The following NHLRC2 variants were observed in gnomAD, a reference collection of about 807,000 sequenced individuals.
NHLRC2 encodes NHL repeat containing 2.
Under a neutral mutation model 68.1 loss-of-function variants are expected in NHLRC2, and 33 were observed. That is an observed-to-expected ratio of 0.48 (90% CI 0.37 to 0.65). The LOEUF (loss-of-function observed/expected upper bound fraction) is 0.65. Among genes scored for constraint, NHLRC2 ranks in the 30% least tolerant of loss-of-function variants. The probability of loss-of-function intolerance (pLI) is 0.00; values close to 1 mark genes in which losing one functional copy is unlikely to be tolerated. For synonymous variants in NHLRC2, 311 were observed against 309.6 expected (o/e 1.00, Z -0.05); for missense variants, 761 against 853.8 (o/e 0.89, Z 1.35).
intron 2 of NHLRC2, among the ~76,000 whole-genome samples, chr10:113,868,213 C>T (rs1431116871): frequency 1.3e-5 from 2 of 152,110 alleles, no homozygotes; most frequent in African/African-American, 2.4e-5. Context: ...AAGGAAGTTA[C>T]AATTTTTGAT....
At chr10:113,867,529 T>C (rs996102539) in intron 2 of NHLRC2, among the ~76,000 whole-genome samples, 1 of 152,220 alleles carries the variant, frequency 6.6e-6, no homozygotes, top group African/African-American at 2.4e-5. Context: ...ACGAAAATTT[T>C]CCCTCTCCAG....
chr10:113,901,800 G>A lies in NHLRC2; in HGVS notation c.1274G>A (p.Cys425Tyr). Residue 425 changes from cysteine (C) to tyrosine (Y), a missense_variant, in exon 7 of 11, where the codon TGC (cysteine) becomes TAC (tyrosine). Transcript: ENST00000369301. Reference protein sequence around the residue: ...LSLASEDPWSCLFVADSESST... With the variant: ...LSLASEDPWSYLFVADSESST... ...TTGGCCTCTGAAGATCCCTGGAGCT[G>A]CTTGTTTGTAGCAGATAGTGAGAGC... 6.2e-7 allele frequency: 1 copy of A among 1,614,162 alleles called. No homozygotes were observed.
In NHLRC2 at chr10:113,900,805, A is replaced by G. The variant is rs953569745; in HGVS notation, c.1140-861A>G. Among the ~76,000 whole-genome samples, 5 of 152,250 alleles carry G rather than the reference A, an allele frequency of 3.3e-5. No homozygotes were observed. The East Asian group carries it at 7.7e-4, about 23-fold the overall frequency. On this transcript the variant is annotated intron_variant, in intron 6 of 10. Transcript: ENST00000369301. ...TGCTCCCTACCTAACTTATTATGGG[A>G]ACATATTAGCCAGTAAGTGATGGTG...
At position 113,875,905 on chromosome 10, in the gene NHLRC2, CCAAA is replaced by C. The variant is rs1265167579; in HGVS notation, c.332-613_332-610del. Among the ~76,000 whole-genome samples, 14 of 149,264 alleles carry C rather than the reference CCAAA, an allele frequency of 9.4e-5. No individual in the cohort carries two copies. In the South Asian group the frequency reaches 1.9e-3, roughly 20 times the overall value. On this transcript the variant is annotated intron_variant, in intron 2 of 10. Coordinates refer to ENST00000369301, the MANE Select transcript of NHLRC2 (RefSeq NM_198514.4). ...TATTGAATTTTTTCACTGAATCCAG[CCAAA>C]CACTTTTTTTTTTTTTTTGGTACTA...
Position 113,876,957 on chromosome 10 carries a change from A to G in NHLRC2, c.768A>G (p.Gln256=). 6.3e-7 allele frequency: 1 copy of G among 1,594,280 alleles called. No individual in the cohort carries two copies. The highest frequency in any genetic ancestry group is 8.5e-7 in the Non-Finnish European group (1 of 1,172,008). The change falls in exon 3 of 11, where the codon CAA becomes CAG. Residue 256 remains glutamine (Q), a synonymous_variant. Coordinates refer to ENST00000369301, the MANE Select transcript of NHLRC2 (RefSeq NM_198514.4). The part of the protein sequence containing the change: ...HRILVVWKNG[Q]IQYSIGGPNP... ...TTTTGGTCGTTTGGAAGAATGGACA[A>G]ATTCAATATAGCATTGGAGGTAAAA...
chr10:113,889,784 T>C (rs1247402536), intron 5 of NHLRC2, among the ~76,000 whole-genome samples: 2 of 152,164 alleles, frequency 1.3e-5, no homozygotes, highest in East Asian at 3.8e-4. Flanking sequence ...TCTTTCCTGT[T>C]CTCTGTCATC....
rs1053955432 is a variant in NHLRC2, at chr10:113,913,778, C to T, written c.*5242C>T. Reference sequence around the variant, plus strand: ...GACTCAAATATTAATATATGCAATTCTGTTACAGTAAAGTTTTCACCATGG... The same window carrying T: ...GACTCAAATATTAATATATGCAATTTTGTTACAGTAAAGTTTTCACCATGG... On this transcript the variant is annotated 3_prime_UTR_variant, in exon 11 of 11. Coordinates refer to ENST00000369301, the MANE Select transcript of NHLRC2 (RefSeq NM_198514.4). The T allele has an allele frequency of 1.3e-5, 2 of 151,522 alleles. No individual in the cohort carries two copies. The highest frequency in any genetic ancestry group is 4.2e-4 in the South Asian group (2 of 4,796). The allele number at this position is 151,522 out of a possible 1,614,324, so 9.4% of individuals were successfully genotyped here.
At chr10:113,882,678 T>C (rs1367032015) in intron 4 of NHLRC2, among the ~76,000 whole-genome samples, 1 of 151,842 alleles carries the variant, frequency 6.6e-6, no homozygotes, top group East Asian at 1.9e-4. Context: ...CTTTGATACA[T>C]TGAAGTTTTA....
intron 2 of NHLRC2, among the ~76,000 whole-genome samples, chr10:113,861,770 A>G (rs1156888081): frequency 6.6e-6 from 1 of 152,232 alleles, no homozygotes; most frequent in Non-Finnish European, 1.5e-5. Flanking sequence ...TTACTGTAAC[A>G]TTGGTATTTA....
intron 9 of NHLRC2, 33 bp downstream of exon 9, chr10:113,903,769 T>G: frequency 7.9e-7 from 1 of 1,267,032 alleles, no homozygotes. Context: ...TTAAAGAATG[T>G]GGTTTTAAGA....
In NHLRC2 at chr10:113,876,859, C is replaced by A. The variant is rs765602259; in HGVS notation, c.670C>A (p.Leu224Ile). The change falls in exon 3 of 11, where the codon CTA becomes ATA. Residue 224 changes from leucine (L) to isoleucine (I), a missense_variant. Physicochemically the swap from Leu to Ile is conservative, Grantham distance 5 (BLOSUM62 2). Coordinates refer to ENST00000369301, the MANE Select transcript of NHLRC2 (RefSeq NM_198514.4). ...AGATTCTTTGCCACCTTCACCATTG[C>A]TATTTCCTGGCAAAGTAACAGTAGA... ...YKDSLPPSPL[L>I]FPGKVTVDQV... is the part of the protein sequence containing the mutation. 4.3e-6 allele frequency: 7 copies of A among 1,611,914 alleles called. No individual in the cohort carries two copies. The Admixed American group carries it at 1.2e-4, about 27-fold the overall frequency.
intron 2 of NHLRC2, among the ~76,000 whole-genome samples, chr10:113,875,813 T>C (rs971874227): frequency 6.6e-6 from 1 of 152,166 alleles, no homozygotes; most frequent in Admixed American, 6.5e-5. Context: ...TGAGTAGTTT[T>C]TGGTGGATGT....
At chr10:113,855,634 G>GTTGTTTTGTTTTGTTTTGTT (rs370457817) in intron 1 of NHLRC2, among the ~76,000 whole-genome samples, 2 of 151,098 alleles carry the variant, frequency 1.3e-5, no homozygotes, top group African/African-American at 4.9e-5. Flanking sequence ...CGCCTGGCTA[G>GTTGTTTTGTTTTGTTTTGTT]TTGTTTTGTT....
At position 113,889,363 on chromosome 10, in the gene NHLRC2, C is replaced by T. The variant is rs182654542; in HGVS notation, c.1039+4983C>T. ...TGTGCTTCAATAAATGCTTCTCTGA[C>T]TCGCATTATTAATATGATATAAAAT... is the stretch of plus-strand genomic sequence containing the variant. On this transcript the variant is annotated intron_variant, in intron 5 of 10. Coordinates refer to ENST00000369301, the MANE Select transcript of NHLRC2 (RefSeq NM_198514.4). Among the ~76,000 whole-genome samples, 126 of 152,018 alleles carry T rather than the reference C, an allele frequency of 8.3e-4. 2 individuals carry two copies. Among genetic ancestry groups the T allele is most frequent in the African/African-American group, 2.6e-3 (106 of 41,446 alleles).
intron 10 of NHLRC2, among the ~76,000 whole-genome samples, chr10:113,906,906 C>T (rs1344747121): frequency 6.6e-6 from 1 of 152,172 alleles, no homozygotes; most frequent in Non-Finnish European, 1.5e-5. Context: ...TGGCGTGAAC[C>T]CGGGAGGGAG....
chr10:113,871,645 A>C (rs909464769), intron 2 of NHLRC2, among the ~76,000 whole-genome samples: 3 of 152,198 alleles, frequency 2.0e-5, no homozygotes, highest in Non-Finnish European at 4.4e-5. Context: ...TCAACTAACA[A>C]AGTATGAAAG....
At chr10:113,855,787 C>T (rs1284763996) in intron 1 of NHLRC2, among the ~76,000 whole-genome samples, 1 of 152,228 alleles carries the variant, frequency 6.6e-6, no homozygotes, top group Non-Finnish European at 1.5e-5. Flanking sequence ...GCGTGAGCCA[C>T]CGCGCCCGGC....
In NHLRC2 at chr10:113,905,024, C is replaced by G. The variant is rs1402067900; in HGVS notation, c.1912C>G (p.Leu638Val). The change falls in exon 10 of 11, where the codon CTA (leucine) becomes GTA (valine). Residue 638 changes from leucine (L) to valine (V), a missense_variant. By Grantham distance (32) the Leu-to-Val change is conservative. Coordinates refer to ENST00000369301, the MANE Select transcript of NHLRC2 (RefSeq NM_198514.4). ...LTEGVSSCWFLTAEGNEWLLQ... is the reference protein window; with the variant it reads ...LTEGVSSCWFVTAEGNEWLLQ... The stretch of plus-strand genomic sequence containing the variant: ...TGAAGGAGTATCCAGTTGCTGGTTT[C>G]TAACAGCTGAAGGTATGAGTATAAG... 2 of 1,508,684 alleles carry G rather than the reference C, an allele frequency of 1.3e-6. No homozygotes were observed. Among genetic ancestry groups the G allele is most frequent in the African/African-American group, 1.4e-5 (1 of 71,162 alleles). The allele number at this position is 1,508,684 out of a possible 1,614,324, so 93.5% of individuals were successfully genotyped here.
rs760379858 is a variant in NHLRC2, at chr10:113,915,821, G to A, written c.*7285G>A. 3 of 152,706 alleles carry A rather than the reference G, an allele frequency of 2.0e-5. No homozygotes were observed. The highest frequency in any genetic ancestry group is 7.3e-5 in the African/African-American group (3 of 41,300). The allele number at this position is 152,706 out of a possible 1,614,324, so 9.5% of individuals were successfully genotyped here. The stretch of plus-strand genomic sequence containing the variant: ...CTGGCTAATTTTTTTAAAATTTTTT[G>A]TAGAGATGGGGACTTGCTATGTTGC... On this transcript the variant is annotated 3_prime_UTR_variant, in exon 11 of 11. Coordinates refer to ENST00000369301, the MANE Select transcript of NHLRC2 (RefSeq NM_198514.4).
Sources: gnomAD v4.1 joint callset for allele counts (sites outside exome capture counted in the v4.1 genomes callset) on GRCh38, gnomAD v4.1.1 for gene constraint, MANE v1.5 for transcripts, NCBI Gene and HGNC (gene_info 2026-07-23, HGNC 2026-07-21) for gene names.